The following C17orf99 variants were observed in gnomAD, a reference collection of about 807,000 sequenced individuals.
The protein encoded by C17orf99 is chromosome 17 open reading frame 99.
Under a neutral mutation model 22.6 loss-of-function variants are expected in C17orf99, and 18 were observed. The ratio of observed to expected loss-of-function variants is 0.80; its 90% CI spans 0.55 to 1.18. The LOEUF (loss-of-function observed/expected upper bound fraction) is 1.18. Among genes scored for constraint, C17orf99 ranks in the 50% most tolerant of loss-of-function variants. The pLI is 0.00. For missense variants in C17orf99, 328 were observed against 342.7 expected, an observed-to-expected ratio of 0.96 and a Z score of 0.34; for synonymous variants, 147 against 136.6, an observed-to-expected ratio of 1.08 and a Z score of -0.53.
At chr17:78,149,741 G>A (rs371871149) in intron 2 of C17orf99, among the ~76,000 whole-genome samples, 5 of 150,496 alleles carry the variant, frequency 3.3e-5, no homozygotes, top group East Asian at 1.9e-4. Flanking sequence ...ACGGGGTCTC[G>A]CTCTGTCGCC....
intron 2 of C17orf99, among the ~76,000 whole-genome samples, chr17:78,150,137 TA>T: frequency 6.6e-6 from 1 of 151,504 alleles, no homozygotes; most frequent in Non-Finnish European, 1.5e-5. Context: ...GCCTCCAGAG[TA>T]ACTGGGACTA....
intron 3 of C17orf99, among the ~76,000 whole-genome samples, chr17:78,161,970 G>C (rs529839236): frequency 2.0e-4 from 30 of 152,322 alleles, no homozygotes; most frequent in African/African-American, 7.2e-4. Flanking sequence ...TAAAACTCTG[G>C]GGAGTTAAGA....
At chr17:78,155,116 C>T (rs973413838) in intron 2 of C17orf99, among the ~76,000 whole-genome samples, 3 of 139,052 alleles carry the variant, frequency 2.2e-5, no homozygotes, top group African/African-American at 5.7e-5. Context: ...ATGTCAGCAG[C>T]AACCCCTATT....
intron 2 of C17orf99, among the ~76,000 whole-genome samples, chr17:78,147,195 T>C (rs1019429966): frequency 3.3e-5 from 5 of 152,216 alleles, no homozygotes; most frequent in African/African-American, 1.2e-4. Context: ...GAAGATTCCC[T>C]GGGCAGGTGC....
At chr17:78,149,960 T>G (rs1012123295) in intron 2 of C17orf99, among the ~76,000 whole-genome samples, 4 of 151,714 alleles carry the variant, frequency 2.6e-5, no homozygotes, top group African/African-American at 9.7e-5. Context: ...CTGCCCACCT[T>G]GGCCTCCCAA....
At chr17:78,155,922 G>C (rs1397466132) in intron 2 of C17orf99, among the ~76,000 whole-genome samples, 5 of 151,710 alleles carry the variant, frequency 3.3e-5, no homozygotes, top group Non-Finnish European at 7.4e-5. Flanking sequence ...ACCATGCCCG[G>C]CCTACACACT....
chr17:78,165,658 C>T (rs1024471943), intron 4 of C17orf99: 34 of 913,780 alleles, frequency 3.7e-5, no homozygotes, highest in African/African-American at 3.7e-4. Context: ...CAAAATTAGC[C>T]GGGCGTGGTG....
At chr17:78,157,713 C>T (rs1328216431) in intron 2 of C17orf99, 8 of 447,166 alleles carry the variant, frequency 1.8e-5, no homozygotes, top group Non-Finnish European at 2.7e-5. Flanking sequence ...AGGAGAATGG[C>T]GTAAACCCGG....
upstream of C17orf99, chr17:78,146,282 C>T (rs988231971): frequency 1.1e-4 from 88 of 786,514 alleles, no homozygotes; most frequent in Admixed American, 1.1e-3. The surrounding 1 kb of genome is among the most constrained non-coding windows in gnomAD (Gnocchi z 5.2). Flanking sequence ...TGGGGTGCTG[C>T]GGCCTCCAGG....
chr17:78,147,089 G>T (rs1445912679), intron 2 of C17orf99, among the ~76,000 whole-genome samples, 178 bp downstream of exon 2: 8 of 152,198 alleles, frequency 5.3e-5, no homozygotes. Context: ...AGGAGTGATG[G>T]AGATGGGCAG....
intron 2 of C17orf99, among the ~76,000 whole-genome samples, chr17:78,151,828 G>A (rs562716830): frequency 7.6e-4 from 116 of 152,264 alleles, no homozygotes; most frequent in African/African-American, 2.3e-3. Flanking sequence ...AACCCTTAAC[G>A]GACGGCGGCT....
intron 2 of C17orf99, among the ~76,000 whole-genome samples, chr17:78,153,626 G>C (rs2075502320): frequency 6.6e-6 from 1 of 152,116 alleles, no homozygotes; most frequent in Non-Finnish European, 1.5e-5. Flanking sequence ...TTCCATTTTT[G>C]TAAGTCAAGA....
At chr17:78,157,606 G>A in intron 2 of C17orf99, 1 of 520,392 alleles carries the variant, frequency 1.9e-6, no homozygotes, top group Non-Finnish European at 3.2e-6. Context: ...AAACCATCCT[G>A]GCTAAAATGG....
upstream of C17orf99, chr17:78,146,297 C>A: frequency 1.0e-6 from 1 of 959,504 alleles, no homozygotes; most frequent in Non-Finnish European, 1.5e-6. This position sits in a 1 kb window ranked among gnomAD's most constrained non-coding sequence, Gnocchi z 5.2. Flanking sequence ...TCCAGGTTAT[C>A]TCCCCACTGC....
upstream of C17orf99, among the ~76,000 whole-genome samples, chr17:78,145,989 T>C (rs973636074): frequency 2.0e-5 from 3 of 152,226 alleles, no homozygotes; most frequent in Non-Finnish European, 1.5e-5. Context: ...AGTTTCGCCA[T>C]GTTGGCCAGG....
intron 2 of C17orf99, chr17:78,159,952 T>G (rs2075560031): frequency 2.3e-6 from 1 of 427,500 alleles, no homozygotes; most frequent in South Asian, 1.7e-5. Context: ...CCACATTCTA[T>G]TTACCCATTC....
chr17:78,160,706 C>T, intron 2 of C17orf99: 2 of 505,264 alleles, frequency 4.0e-6, no homozygotes, highest in East Asian at 3.5e-5. Context: ...GCCTTAGCTT[C>T]CCGAGTAGCA....
At position 78,149,857 on chromosome 17, in the gene C17orf99, A is replaced by G. The variant is rs1012092278; in HGVS notation, c.70+2946A>G. ...CCTCAGTAGCTGGGACTACAGGCAC[A>G]TGCCACCACGCCCAGCTAATTTTTT... is the stretch of plus-strand genomic sequence containing the variant. On this transcript the variant is annotated intron_variant, in intron 2 of 4. Coordinates refer to ENST00000340363, the MANE Select transcript of C17orf99 (RefSeq NM_001163075.2). 2.0e-5 allele frequency among the ~76,000 whole-genome samples: 3 copies of G among 151,720 alleles called. No homozygotes were observed. The South Asian group carries it at 6.3e-4, about 32-fold the overall frequency.
At position 78,166,172 on chromosome 17, in the gene C17orf99, AAAAAAG is replaced by A. The variant is rs2075616520; in HGVS notation, c.*127_*132del. 2 of 402,910 alleles carry A rather than the reference AAAAAAG, an allele frequency of 5.0e-6. No homozygotes were observed. Among genetic ancestry groups the A allele is most frequent in the Non-Finnish European group, 8.8e-6 (2 of 228,230 alleles). 25.0% of individuals were successfully genotyped at this position (402,910 alleles called of 1,614,324 possible). A position where few individuals can be genotyped will look rare whatever the true frequency, so the allele number is the denominator to read the frequency against. On this transcript the variant is annotated 3_prime_UTR_variant, in exon 5 of 5. Transcript: ENST00000340363. ...TCTTGCCACAAAAAAAAAAAAAAAA[AAAAAAG>A]GGTAACTATGAGAGATGGTGGATAT... is the stretch of plus-strand genomic sequence containing the variant.
Sources: allele counts gnomAD v4.1 joint callset (sites outside exome capture counted in the v4.1 genomes callset), GRCh38; gene constraint gnomAD v4.1.1; non-coding constraint Gnocchi (gnomAD v3.1); transcripts MANE v1.5; gene names NCBI Gene and HGNC (gene_info 2026-07-23, HGNC 2026-07-21).